The following PDK3 variants were observed in gnomAD, a reference collection of about 807,000 sequenced individuals.
PDK3 encodes pyruvate dehydrogenase kinase 3.
A neutral mutation model predicts 32.0 loss-of-function variants in PDK3; 12 were observed. The ratio of observed to expected loss-of-function variants is 0.37; its 90% CI spans 0.24 to 0.61. PDK3 has a LOEUF of 0.61. PDK3 is among the 20% of genes least tolerant of loss of function. The pLI is 0.65. For synonymous variants in PDK3, 122 were observed against 116.3 expected, an observed-to-expected ratio of 1.05 and a Z score of -0.31; for missense variants, 188 against 316.9, an observed-to-expected ratio of 0.59 and a Z score of 3.09.
At chrX:24,535,351 A>G (rs776965937), downstream of PDK3, among the ~76,000 whole-genome samples, 6 of 110,632 alleles carry the variant, frequency 5.4e-5, no homozygotes, top group South Asian at 3.9e-4. Flanking sequence ...CTAAAAATAC[A>G]AAAATTAGCC....
At chrX:24,539,253 C>A, downstream of PDK3, 1 of 588,697 alleles carries the variant, frequency 1.7e-6, no homozygotes, top group Non-Finnish European at 2.8e-6. Context: ...CTGCTCTGAG[C>A]GTGGCATCAC....
At chrX:24,471,371 G>A (rs1054835122) in intron 1 of PDK3, among the ~76,000 whole-genome samples, 1 of 111,741 alleles carries the variant, frequency 8.9e-6, no homozygotes, top group Non-Finnish European at 1.9e-5. Flanking sequence ...TTGTTTGGAG[G>A]AGTTAAAAAT....
intron 5 of PDK3, among the ~76,000 whole-genome samples, chrX:24,508,964 G>A (rs1162118329): frequency 4.5e-5 from 5 of 111,472 alleles, no homozygotes; most frequent in African/African-American, 1.3e-4. Context: ...TGATCCGCCC[G>A]CCTTGGCCTC....
chrX:24,505,273 C>T lies in PDK3; in HGVS notation c.570C>T (p.Thr190=). ...AACACATAGGAAGTATCGATCCCAC[C>T]TGTAACGTGGCGGATGTGGTGAAAG... The part of the protein sequence containing the change: ...HPKHIGSIDP[T]CNVADVVKDA... Residue 190 remains threonine (T), a synonymous_variant, in exon 5 of 11, where the codon ACC becomes ACT. Transcript: ENST00000379162. The T allele has an allele frequency of 8.3e-7, 1 of 1,201,337 alleles. No homozygotes were observed. Among genetic ancestry groups the T allele is most frequent in the Non-Finnish European group, 1.1e-6 (1 of 886,754 alleles).
chrX:24,487,697 G>A (rs1032704520), intron 1 of PDK3, among the ~76,000 whole-genome samples: 2 of 109,296 alleles, frequency 1.8e-5, no homozygotes, highest in Non-Finnish European at 3.8e-5. Context: ...GGTGCCTTGC[G>A]GGTAATTTTT....
chrX:24,506,612 A>T (rs1317038710), intron 5 of PDK3, among the ~76,000 whole-genome samples: 1 of 110,756 alleles, frequency 9.0e-6, no homozygotes, highest in African/African-American at 3.3e-5. Context: ...GGTGATTAAT[A>T]AATATTCCTT....
At chrX:24,544,412 G>A (rs1453481437) in exon 12 of PDK3, among the ~76,000 whole-genome samples, 2 of 111,113 alleles carry the variant, frequency 1.8e-5, no homozygotes, top group Admixed American at 9.6e-5. Flanking sequence ...CCTGCTTCTC[G>A]CCGCTCTTCC....
At chrX:24,511,246 T>C (rs1333691942) in intron 5 of PDK3, among the ~76,000 whole-genome samples, 1 of 112,679 alleles carries the variant, frequency 8.9e-6, no homozygotes, top group Non-Finnish European at 1.9e-5. Context: ...ACTGTTGCCT[T>C]CCTCTTTTTA....
chrX:24,537,711 C>T (rs1787579273), downstream of PDK3, among the ~76,000 whole-genome samples: 1 of 111,390 alleles, frequency 9.0e-6, no homozygotes, highest in African/African-American at 3.3e-5. Context: ...TACACAAATA[C>T]AGTTTATATA....
At chrX:24,475,976 C>T (rs1921104604) in intron 1 of PDK3, among the ~76,000 whole-genome samples, 1 of 111,320 alleles carries the variant, frequency 9.0e-6, no homozygotes, top group Non-Finnish European at 1.9e-5. Flanking sequence ...ATTGATCAGA[C>T]TGTTGGCAAG....
chrX:24,534,522 G>T (rs761273778), downstream of PDK3: 3 of 115,199 alleles, frequency 2.6e-5, no homozygotes, highest in Non-Finnish European at 5.5e-5. Flanking sequence ...ATGGAATGGG[G>T]AGGCATTGTT....
intron 1 of PDK3, among the ~76,000 whole-genome samples, chrX:24,479,153 TACC>T (rs1188044032): frequency 4.4e-5 from 5 of 112,779 alleles, no homozygotes; most frequent in Non-Finnish European, 9.4e-5. Context: ...TATTTCTTAA[TACC>T]AGCCTGTGGA....
chrX:24,474,354 A>G (rs994647631), intron 1 of PDK3, among the ~76,000 whole-genome samples: 5 of 109,448 alleles, frequency 4.6e-5, no homozygotes, highest in Non-Finnish European at 9.5e-5. Flanking sequence ...ACATTATGCC[A>G]CTTTCATTTA....
intron 1 of PDK3, among the ~76,000 whole-genome samples, chrX:24,481,208 T>C (rs1286816785): frequency 9.0e-6 from 1 of 110,849 alleles, no homozygotes; most frequent in African/African-American, 3.3e-5. Context: ...TGCACGCGGC[T>C]AATTTTTTGT....
At chrX:24,509,491 C>T (rs1922066797) in intron 5 of PDK3, among the ~76,000 whole-genome samples, 2 of 110,843 alleles carry the variant, frequency 1.8e-5, no homozygotes, top group Admixed American at 1.9e-4. Context: ...CTTCCCCCAA[C>T]ACACACATAC....
chrX:24,496,340 T>TAA (rs1444472600), intron 2 of PDK3, among the ~76,000 whole-genome samples: 1 of 109,461 alleles, frequency 9.1e-6, no homozygotes, highest in East Asian at 2.8e-4. Flanking sequence ...CACATATATA[T>TAA]AATCTATGTC....
chrX:24,488,147 C>A (rs1306077112), intron 1 of PDK3, among the ~76,000 whole-genome samples: 3 of 110,607 alleles, frequency 2.7e-5, no homozygotes, highest in Non-Finnish European at 5.7e-5. Context: ...CTATGTAAAC[C>A]AGGTATAAAG....
At chrX:24,492,462 G>A (rs1182469629) in intron 1 of PDK3, among the ~76,000 whole-genome samples, 2 of 110,656 alleles carry the variant, frequency 1.8e-5, no homozygotes, top group African/African-American at 3.3e-5. Context: ...TGTGACGGGC[G>A]CCTGTAATCC....
At position 24,497,474 on chromosome X, in the gene PDK3, C is replaced by T. The variant is rs180822700; in HGVS notation, c.249-1355C>T. ...TAATTTTTTGTATTTTTAGTAGAGA[C>T]GGGGTTTCGCCATGTTGGCCAGGCT... On this transcript the variant is annotated intron_variant, in intron 2 of 10. Coordinates refer to ENST00000379162, the MANE Select transcript of PDK3 (RefSeq NM_005391.5). Among the ~76,000 whole-genome samples, 647 of 111,520 alleles carry T rather than the reference C, an allele frequency of 5.8e-3. 3 individuals are homozygous for T. The highest frequency in any genetic ancestry group is 0.02 in the African/African-American group (602 of 30,656).
Sources: gnomAD v4.1 joint callset for allele counts (sites outside exome capture counted in the v4.1 genomes callset) on GRCh38, gnomAD v4.1.1 for gene constraint, MANE v1.5 for transcripts, NCBI Gene and HGNC (gene_info 2026-07-23, HGNC 2026-07-21) for gene names.